The following CDKAL1 variants were observed in gnomAD, a reference collection of about 807,000 sequenced individuals.
CDKAL1 encodes CDKAL1 threonylcarbamoyladenosine tRNA methylthiotransferase.
CDKAL1 carries 32 observed loss-of-function variants against 68.2 expected under a neutral mutation model. The observed-to-expected ratio is 0.47, with a 90% confidence interval of 0.35 to 0.63. The LOEUF is 0.63. Among genes scored for constraint, CDKAL1 ranks in the 30% least tolerant of loss-of-function variants. CDKAL1 has a pLI of 0.00. For synonymous variants in CDKAL1, 234 were observed against 244.3 expected (o/e 0.96, Z 0.39); for missense variants, 606 against 696.7 (o/e 0.87, Z 1.47).
intron 10 of CDKAL1, among the ~76,000 whole-genome samples, chr6:20,974,745 G>A (rs1411922734): frequency 1.3e-5 from 2 of 151,004 alleles, no homozygotes; most frequent in Admixed American, 6.6e-5. Flanking sequence ...TTGGGAGTCC[G>A]AGGCTGACAG....
chr6:20,861,550 T>C (rs1759630770), intron 9 of CDKAL1, among the ~76,000 whole-genome samples: 1 of 152,264 alleles, frequency 6.6e-6, no homozygotes, highest in South Asian at 2.1e-4. Context: ...TCCTGTTTCC[T>C]TCTCTCTCTA....
At chr6:20,745,072 T>G (rs566299337) in intron 6 of CDKAL1, among the ~76,000 whole-genome samples, 1 of 152,350 alleles carries the variant, frequency 6.6e-6, no homozygotes, top group Middle Eastern at 3.4e-3. Flanking sequence ...GGTGAACATT[T>G]TCTTTGGAGA....
chr6:21,073,635 T>C (rs1344852096), intron 12 of CDKAL1, among the ~76,000 whole-genome samples: 1 of 152,182 alleles, frequency 6.6e-6, no homozygotes, highest in East Asian at 1.9e-4. Context: ...TTATTTGCCA[T>C]ATGTATGTTT....
At chr6:20,886,940 G>A (rs2150571307) in intron 9 of CDKAL1, among the ~76,000 whole-genome samples, 1 of 152,258 alleles carries the variant, frequency 6.6e-6, no homozygotes, top group East Asian at 1.9e-4. Context: ...ATTTGGTAAA[G>A]GGTTGATATC....
chr6:20,863,419 C>T (rs978082629), intron 9 of CDKAL1, among the ~76,000 whole-genome samples: 1 of 152,084 alleles, frequency 6.6e-6, no homozygotes, highest in Admixed American at 6.6e-5. Context: ...TCAGTAAAGA[C>T]CCCTTGGGTC....
Position 20,892,899 on chromosome 6 carries a change from G to T in CDKAL1, c.742+46721G>T, listed in dbSNP as rs578060581. Reference sequence around the variant, plus strand: ...AATTAAACTGAGGCAAAGTCAAGTGGATGAAAACCTCCTGGTCTTTCACTA... The same window carrying T: ...AATTAAACTGAGGCAAAGTCAAGTGTATGAAAACCTCCTGGTCTTTCACTA... On this transcript the variant is annotated intron_variant, in intron 9 of 15. Transcript: ENST00000274695. Among the ~76,000 whole-genome samples, 37 of 152,282 alleles carry T rather than the reference G, an allele frequency of 2.4e-4. 1 individual carries two copies. In the South Asian group the frequency reaches 5.4e-3, roughly 22 times the overall value.
chr6:20,790,560 T>C (rs1581586325), intron 8 of CDKAL1, among the ~76,000 whole-genome samples: 1 of 152,288 alleles, frequency 6.6e-6, no homozygotes, highest in East Asian at 1.9e-4. Context: ...CAGCCAGTGA[T>C]GCCCCCTGAT....
At chr6:20,688,161 T>A (rs1297844648) in intron 5 of CDKAL1, among the ~76,000 whole-genome samples, 1 of 152,040 alleles carries the variant, frequency 6.6e-6, no homozygotes, top group East Asian at 1.9e-4. Flanking sequence ...TCAGGTTTTT[T>A]TCTTTATCTT....
At chr6:20,768,561 A>T (rs1176193051) in intron 7 of CDKAL1, among the ~76,000 whole-genome samples, 1 of 152,090 alleles carries the variant, frequency 6.6e-6, no homozygotes, top group African/African-American at 2.4e-5. Context: ...GTGTACCTCT[A>T]TATTTTTTAG....
chr6:20,733,520 A>G (rs543357524), intron 5 of CDKAL1, among the ~76,000 whole-genome samples: 1 of 152,360 alleles, frequency 6.6e-6, no homozygotes, highest in South Asian at 2.1e-4. Context: ...GGTGCATTCT[A>G]GAGAATGAAG....
At chr6:20,613,037 AC>A in intron 4 of CDKAL1, among the ~76,000 whole-genome samples, 1 of 123,396 alleles carries the variant, frequency 8.1e-6, no homozygotes, top group Non-Finnish European at 1.7e-5. Context: ...ACACACACAC[AC>A]ACACACAAAG....
intron 13 of CDKAL1, among the ~76,000 whole-genome samples, chr6:21,111,459 A>C (rs765678669): frequency 6.6e-6 from 1 of 152,212 alleles, no homozygotes; most frequent in African/African-American, 2.4e-5. Context: ...TCAGTGAGTC[A>C]GTTGTATTTG....
In CDKAL1 at chr6:20,935,412, T is replaced by C. The variant is rs150861661; in HGVS notation, c.743-20007T>C. On this transcript the variant is annotated intron_variant, in intron 9 of 15. Transcript: ENST00000274695. ...TTGTTGAGCAATTAAAGTTGCCCTG[T>C]ATGGTGTGGAAAATTAGACTTTTTT... Among the ~76,000 whole-genome samples, 403 of 151,834 alleles carry C rather than the reference T, an allele frequency of 2.7e-3. 4 individuals carry two copies. The highest frequency in any genetic ancestry group is 8.8e-3 in the African/African-American group (364 of 41,472).
At chr6:20,940,941 T>G (rs2150696024) in intron 9 of CDKAL1, among the ~76,000 whole-genome samples, 1 of 152,020 alleles carries the variant, frequency 6.6e-6, no homozygotes, top group African/African-American at 2.4e-5. Flanking sequence ...ATACAAAAAA[T>G]TAGCCAGGCG....
intron 4 of CDKAL1, among the ~76,000 whole-genome samples, chr6:20,613,358 T>C (rs1302898071): frequency 7.5e-6 from 1 of 134,120 alleles, no homozygotes; most frequent in Non-Finnish European, 1.5e-5. Context: ...CACTGCAACC[T>C]CCGCCTTCCA....
At chr6:20,892,340 A>G (rs1761452964) in intron 9 of CDKAL1, among the ~76,000 whole-genome samples, 1 of 152,230 alleles carries the variant, frequency 6.6e-6, no homozygotes, top group African/African-American at 2.4e-5. Context: ...CCTTATTCAA[A>G]CAAACTATTT....
chr6:20,911,649 C>T (rs1762473793), intron 9 of CDKAL1, among the ~76,000 whole-genome samples: 1 of 152,122 alleles, frequency 6.6e-6, no homozygotes, highest in Admixed American at 6.6e-5. Flanking sequence ...AATTTAATTC[C>T]TGAGTTTTAT....
chr6:20,954,442 G>A (rs1472301245), intron 9 of CDKAL1, among the ~76,000 whole-genome samples: 3 of 152,014 alleles, frequency 2.0e-5, no homozygotes, highest in Non-Finnish European at 4.4e-5. Flanking sequence ...TTGTGTGCCT[G>A]TGTGTGTGTG....
intron 10 of CDKAL1, among the ~76,000 whole-genome samples, chr6:20,984,888 A>G (rs1378512207): frequency 6.6e-6 from 1 of 151,972 alleles, no homozygotes; most frequent in African/African-American, 2.4e-5. Flanking sequence ...GTAAGTTCTC[A>G]TTTTGGGCTG....
Sources: gnomAD v4.1 joint callset for allele counts (sites outside exome capture counted in the v4.1 genomes callset) on GRCh38, gnomAD v4.1.1 for gene constraint, MANE v1.5 for transcripts, NCBI Gene and HGNC (gene_info 2026-07-23, HGNC 2026-07-21) for gene names.